Variants in ERBB4 observed in about 807,000 individuals in gnomAD.
The protein encoded by ERBB4 is erb-b2 receptor tyrosine kinase 4.
A neutral mutation model predicts 158.0 loss-of-function variants in ERBB4; 42 were observed. That is an observed-to-expected ratio of 0.27 (90% confidence interval 0.21 to 0.34). The LOEUF (loss-of-function observed/expected upper bound fraction) is 0.34. ERBB4 is among the 10% of genes least tolerant of loss of function. The pLI is 1.00. For missense variants in ERBB4, 1,333 were observed against 1,624.1 expected, an observed-to-expected ratio of 0.82 and a Z score of 3.08; for synonymous variants, 583 against 558.7, an observed-to-expected ratio of 1.04 and a Z score of -0.61.
rs369992292 is a variant in ERBB4 at position 212,209,089 on chromosome 2, T to C, written c.83-84186A>G. ...CAACTTTGATAGCATCTGTGCTATA[T>C]TAGAGACTTTCTGACCTCATAATTT... On this transcript the variant is annotated intron_variant, in intron 1 of 27. Transcript: ENST00000342788. 3.9e-5 allele frequency among the ~76,000 whole-genome samples: 6 copies of C among 152,262 alleles called. No homozygotes were observed. The South Asian group carries it at 1.0e-3, about 26-fold the overall frequency.
chr2:212,499,815 T>C (rs1027482911), intron 1 of ERBB4, among the ~76,000 whole-genome samples: 5 of 152,096 alleles, frequency 3.3e-5, no homozygotes, highest in Admixed American at 2.0e-4. Context: ...ACACACTTAA[T>C]TGGAAATATT....
intron 1 of ERBB4, among the ~76,000 whole-genome samples, chr2:212,496,988 TG>T (rs1318883640): frequency 2.0e-5 from 3 of 152,086 alleles, no homozygotes; most frequent in African/African-American, 7.2e-5. Flanking sequence ...GAGATCAGCC[TG>T]GCCAACATGG....
intron 3 of ERBB4, among the ~76,000 whole-genome samples, chr2:211,792,883 C>T (rs895387379): frequency 6.6e-6 from 1 of 151,792 alleles, no homozygotes; most frequent in Non-Finnish European, 1.5e-5. Context: ...CATTTCTTGT[C>T]AAATGCTAGT....
At chr2:211,475,135 C>G (rs1348332060) in intron 20 of ERBB4, among the ~76,000 whole-genome samples, 1 of 151,918 alleles carries the variant, frequency 6.6e-6, no homozygotes, top group East Asian at 1.9e-4. Context: ...GTAAATAGCA[C>G]AGTAAATGTT....
rs369701012 is a variant in ERBB4 at position 211,610,968 on chromosome 2, C to T, written c.2301+8209G>A. ...TAGGTACTTCAATGGAGAAATTAAGCCTGTTGGAATGCAAAACTTGTCAAG... is the reference window on the plus strand; with the variant it reads ...TAGGTACTTCAATGGAGAAATTAAGTCTGTTGGAATGCAAAACTTGTCAAG... On this transcript the variant is annotated intron_variant, in intron 19 of 27. Transcript: ENST00000342788. Among the ~76,000 whole-genome samples, 13 of 152,068 alleles carry T rather than the reference C, an allele frequency of 8.5e-5. No homozygotes were observed. In the East Asian group the frequency reaches 2.5e-3, roughly 30 times the overall value.
intron 15 of ERBB4, among the ~76,000 whole-genome samples, chr2:211,662,508 G>C (rs2071467291): frequency 6.6e-6 from 1 of 152,130 alleles, no homozygotes; most frequent in Non-Finnish European, 1.5e-5. Flanking sequence ...GCTGTGTCTT[G>C]TTCATTTCTG....
chr2:212,050,297 C>G (rs1313300065), intron 2 of ERBB4, among the ~76,000 whole-genome samples: 1 of 152,176 alleles, frequency 6.6e-6, no homozygotes, highest in African/African-American at 2.4e-5. Flanking sequence ...GTATCCATAA[C>G]CACTTTCTGC....
chr2:212,329,919 A>G (rs1255482494), intron 1 of ERBB4, among the ~76,000 whole-genome samples: 1 of 152,038 alleles, frequency 6.6e-6, no homozygotes, highest in African/African-American at 2.4e-5. Context: ...AAATTCACCA[A>G]CTTTTCCAGT....
In ERBB4 at chr2:211,704,107, T is replaced by A; in HGVS notation, c.1286A>T (p.Tyr429Phe). 2.5e-6 allele frequency: 4 copies of A among 1,579,668 alleles called. No homozygotes were observed. The highest frequency in any genetic ancestry group is 3.5e-6 in the Non-Finnish European group (4 of 1,148,726). The change falls in exon 11 of 28, where the codon TAT (tyrosine) becomes TTT (phenylalanine). Residue 429 changes from tyrosine (Y) to phenylalanine (F), a missense_variant. Physicochemically the swap from Tyr to Phe is conservative, Grantham distance 22 (BLOSUM62 3). Coordinates refer to ENST00000342788, the MANE Select transcript of ERBB4 (RefSeq NM_005235.3). ...AGCTTTAAACATATCCACTTACCTA[T>A]AGAGTACTCTTCCACCAATGGTCAC... ...NLVTIGGRVL[Y>F]SGLSLLILKQ...
chr2:211,378,829 G>A lies in ERBB4; in HGVS notation c.*4786C>T, dbSNP rs2062525486. Reference sequence around the variant, plus strand: ...ACACCGAAGTCCATGTACACAAACAGAGGCACAGTAAGATCCTCTGCCCAC... The same window carrying A: ...ACACCGAAGTCCATGTACACAAACAAAGGCACAGTAAGATCCTCTGCCCAC... On this transcript the variant is annotated 3_prime_UTR_variant, in exon 28 of 28. Coordinates refer to ENST00000342788, the MANE Select transcript of ERBB4 (RefSeq NM_005235.3). 2 of 232,256 alleles carry A rather than the reference G, an allele frequency of 8.6e-6. No homozygotes were observed. The highest frequency in any genetic ancestry group is 2.2e-5 in the African/African-American group (1 of 45,202). The allele number at this position is 232,256 out of a possible 1,614,324, so 14.4% of individuals were successfully genotyped here.
intron 3 of ERBB4, among the ~76,000 whole-genome samples, chr2:211,803,934 A>G (rs1231172580): frequency 6.6e-6 from 1 of 152,212 alleles, no homozygotes; most frequent in Non-Finnish European, 1.5e-5. Flanking sequence ...CTACTGTTAC[A>G]TGAACAGTAG....
intron 4 of ERBB4, among the ~76,000 whole-genome samples, chr2:211,785,560 C>T (rs2076140892): frequency 6.6e-6 from 1 of 152,078 alleles, no homozygotes; most frequent in African/African-American, 2.4e-5. Context: ...AAGTCTTATG[C>T]TTAGGTCTGT....
chr2:211,772,123 T>A (rs1339368731), intron 4 of ERBB4, among the ~76,000 whole-genome samples: 1 of 152,176 alleles, frequency 6.6e-6, no homozygotes, highest in Admixed American at 6.5e-5. Context: ...ATGGTGGAAA[T>A]ACTACATAAT....
intron 1 of ERBB4, among the ~76,000 whole-genome samples, chr2:212,444,603 C>A (rs2092314731): frequency 6.6e-6 from 1 of 152,142 alleles, no homozygotes; most frequent in Non-Finnish European, 1.5e-5. Flanking sequence ...ATGATCCATT[C>A]TATGGATACT....
At chr2:211,871,381 C>A (rs1480809926) in intron 3 of ERBB4, among the ~76,000 whole-genome samples, 1 of 151,880 alleles carries the variant, frequency 6.6e-6, no homozygotes, top group East Asian at 1.9e-4. Context: ...TATATTGGGG[C>A]CATTTTTTCT....
intron 18 of ERBB4, 142 bp from the exon 19 acceptor site, chr2:211,619,417 TTTG>T (rs2069511765): frequency 3.2e-6 from 2 of 632,484 alleles, no homozygotes; most frequent in Non-Finnish European, 5.6e-6. Flanking sequence ...ACTCTGCAAC[TTTG>T]TTGTCTGCTT....
intron 16 of ERBB4, among the ~76,000 whole-genome samples, chr2:211,636,996 C>T (rs2070387173): frequency 6.6e-6 from 1 of 151,876 alleles, no homozygotes; most frequent in Non-Finnish European, 1.5e-5. Context: ...TTAATTACTG[C>T]ATTTTATGAA....
intron 20 of ERBB4, among the ~76,000 whole-genome samples, chr2:211,433,839 C>A (rs1395252540): frequency 6.6e-6 from 1 of 152,108 alleles, no homozygotes; most frequent in Non-Finnish European, 1.5e-5. Context: ...CTGAGACCAA[C>A]TGTACCCCAA....
intron 2 of ERBB4, among the ~76,000 whole-genome samples, chr2:212,055,902 C>T (rs1431026509): frequency 6.6e-6 from 1 of 152,214 alleles, no homozygotes; most frequent in Non-Finnish European, 1.5e-5. Flanking sequence ...CAGCTCCTCA[C>T]CAGCAATGGA....
Sources: allele counts gnomAD v4.1 joint callset (sites outside exome capture counted in the v4.1 genomes callset), GRCh38; gene constraint gnomAD v4.1.1; transcripts MANE v1.5; gene names NCBI Gene and HGNC (gene_info 2026-07-23, HGNC 2026-07-21).